The following EPOR variants were observed in gnomAD, a reference collection of about 807,000 sequenced individuals.
The protein encoded by EPOR is erythropoietin receptor.
Under a neutral mutation model 34.3 loss-of-function variants are expected in EPOR, and 20 were observed. The observed-to-expected ratio is 0.58, with a 90% CI of 0.41 to 0.85. The LOEUF is 0.85. Ranked by LOEUF, EPOR falls within the 40% of genes least tolerant of loss-of-function variation. The pLI is 0.00. For synonymous variants in EPOR, 312 were observed against 299.0 expected (o/e 1.04, Z -0.45); for missense variants, 601 against 672.7 (o/e 0.89, Z 1.18).
intron 6 of EPOR, among the ~76,000 whole-genome samples, chr19:11,380,449 G>A (rs779843087): frequency 7.9e-5 from 12 of 152,216 alleles, no homozygotes; most frequent in Non-Finnish European, 1.8e-4. Flanking sequence ...AACAGCATGG[G>A]CAAAAGCTTG....
intron 6 of EPOR, among the ~76,000 whole-genome samples, chr19:11,380,436 G>A (rs1968340058): frequency 6.6e-6 from 1 of 152,234 alleles, no homozygotes. Context: ...TCCAGGCAGA[G>A]GGAACAGCAT....
Position 11,378,081 on chromosome 19 carries a change from T to G in EPOR, c.1430A>C (p.Gln477Pro). The change falls in exon 8 of 8, where the codon CAA becomes CCA. Residue 477 changes from glutamine to proline, a missense_variant. Gln to Pro is a moderately conservative substitution (Grantham distance 76). Transcript: ENST00000222139. This position sits in a 1 kb window ranked among gnomAD's most constrained non-coding sequence, Gnocchi z 5.3. ...DYSSGDSQGA[Q>P]GGLSDGPYSN... ...GTAGGGGCCATCGGATAAGCCCCCT[T>G]GGGCTCCCTGGGAGTCCCCTGAGCT... 1.2e-6 allele frequency: 2 copies of G among 1,613,870 alleles called. No individual in the cohort carries two copies. Among genetic ancestry groups the G allele is most frequent in the Non-Finnish European group, 1.7e-6 (2 of 1,179,816 alleles).
rs745592511 is a variant in EPOR, at chr19:11,381,302, GA to G, written c.586-94del. The stretch of plus-strand genomic sequence containing the variant: ...TGGAACTGAGCCAATCAGGGGAAAG[GA>G]AAACGGTGCCCTAGAATTGCAATGG... On this transcript the variant is annotated intron_variant, in intron 4 of 7. Transcript: ENST00000222139. This position sits in a 1 kb window ranked among gnomAD's most constrained non-coding sequence, Gnocchi z 5.3. The G allele has an allele frequency of 2.1e-6, 3 of 1,404,784 alleles. No homozygotes were observed. The highest frequency in any genetic ancestry group is 2.0e-6 in the Non-Finnish European group (2 of 1,020,726). The allele number at this position is 1,404,784 out of a possible 1,614,324, so 87.0% of individuals were successfully genotyped here.
chr19:11,381,837 G>T lies in EPOR; in HGVS notation c.440C>A (p.Ala147Asp). 6.2e-7 allele frequency: 1 copy of T among 1,614,082 alleles called. No homozygotes were observed. The highest frequency in any genetic ancestry group is 1.1e-5 in the South Asian group (1 of 91,088). The change falls in exon 4 of 8, where the codon GCC becomes GAC. Residue 147 changes from alanine to aspartate, a missense_variant. Coordinates refer to ENST00000222139, the MANE Select transcript of EPOR (RefSeq NM_000121.4). This position sits in a 1 kb window ranked among gnomAD's most constrained non-coding sequence, Gnocchi z 5.3. ...CAACCGCGCCACCAGCCCCACGGGGGCGTCTAGGAGCACTGCAGGCATGGG... is the reference window on the plus strand; with the variant it reads ...CAACCGCGCCACCAGCCCCACGGGGTCGTCTAGGAGCACTGCAGGCATGGG... ...IHINEVVLLD[A>D]PVGLVARLAD...
rs370515840 is a variant in EPOR, at chr19:11,378,279, G to A, written c.1232C>T (p.Ala411Val). 20 of 1,614,054 alleles carry A rather than the reference G, an allele frequency of 1.2e-5. No homozygotes were observed. The African/African-American group carries it at 2.3e-4, about 18-fold the overall frequency. The change falls in exon 8 of 8, where the codon GCC (alanine) becomes GTC (valine). Residue 411 changes from alanine to valine, a missense_variant. Ala to Val is a moderately conservative substitution (Grantham distance 64). Transcript: ENST00000222139. The surrounding 1 kb of genome is among the most constrained non-coding windows in gnomAD (Gnocchi z 5.3). ...SEASSCSSAL[A>V]SKPSPEGASA... is the part of the protein sequence containing the mutation. ...GGCTCCCTCTGGGCTGGGCTTCGAGGCCAAAGCAGATGAGCAGGAGGATGC... is the reference window on the plus strand; with the variant it reads ...GGCTCCCTCTGGGCTGGGCTTCGAGACCAAAGCAGATGAGCAGGAGGATGC...
In EPOR at chr19:11,377,861, G is replaced by T; in HGVS notation, c.*123C>A. ...TGGTTTCCTGAGCAGGATGGATTGG[G>T]CAGACAAAATCAGCAATGCCCCTGC... On this transcript the variant is annotated 3_prime_UTR_variant, in exon 8 of 8. Transcript: ENST00000222139. 8.2e-7 allele frequency: 1 copy of T among 1,219,914 alleles called. No individual in the cohort carries two copies. Among genetic ancestry groups the T allele is most frequent in the Non-Finnish European group, 1.2e-6 (1 of 829,432 alleles). The allele number at this position is 1,219,914 out of a possible 1,614,324, so 75.6% of individuals were successfully genotyped here. A position where few individuals can be genotyped will look rare whatever the true frequency, so the allele number is the denominator to read the frequency against.
At position 11,378,736 on chromosome 19, in the gene EPOR, C is replaced by G. The variant is rs752058983; in HGVS notation, c.870G>C (p.Glu290Asp). The change falls in exon 7 of 8, where the codon GAG becomes GAC. Residue 290 changes from glutamate to aspartate, a missense_variant. Transcript: ENST00000222139. The surrounding 1 kb of genome is among the most constrained non-coding windows in gnomAD (Gnocchi z 5.3). Reference sequence around the variant, plus strand: ...TGGTGAAGAGGCCTTCAAACTCGCTCTCTGGGCTCGGGATGCCAGGCCAGA... The same window carrying G: ...TGGTGAAGAGGCCTTCAAACTCGCTGTCTGGGCTCGGGATGCCAGGCCAGA... ...QKIWPGIPSP[E>D]SEFEGLFTTH... 6.2e-7 allele frequency: 1 copy of G among 1,614,120 alleles called. No homozygotes were observed. The highest frequency in any genetic ancestry group is 1.3e-5 in the African/African-American group (1 of 74,944).
rs1256965373 is a variant in EPOR at position 11,383,925 on chromosome 19, C to T, written c.115+168G>A. On this transcript the variant is annotated intron_variant, in intron 1 of 7. Transcript: ENST00000222139. The surrounding 1 kb of genome is among the most constrained non-coding windows in gnomAD (Gnocchi z 4.9). ...GATCCTAACATACCCCACCCCGCCC[C>T]CCACCCATCCAGGACCCAGTCTAAG... Among the ~76,000 whole-genome samples, 1 of 140,438 alleles carries T rather than the reference C, an allele frequency of 7.1e-6. No individual in the cohort carries two copies. Among genetic ancestry groups the T allele is most frequent in the African/African-American group, 2.6e-5 (1 of 39,090 alleles). 92.1% of individuals were successfully genotyped at this position (140,438 alleles called of 152,430 possible). A position where few individuals can be genotyped will look rare whatever the true frequency, so the allele number is the denominator to read the frequency against.
chr19:11,384,046 G>A (rs1369581420), intron 1 of EPOR, 47 bp downstream of exon 1: 1 of 1,277,050 alleles, frequency 7.8e-7, no homozygotes, highest in Non-Finnish European at 1.1e-6. Flanking sequence ...GCCCCAGCAT[G>A]GTCCTGCAGG....
At position 11,378,431 on chromosome 19, in the gene EPOR, G is replaced by A. The variant is rs1968312605; in HGVS notation, c.1080C>T (p.Gly360=). The change falls in exon 8 of 8, where the codon GGC becomes GGT. Residue 360 remains glycine (G), a synonymous_variant. Coordinates refer to ENST00000222139, the MANE Select transcript of EPOR (RefSeq NM_000121.4). This position sits in a 1 kb window ranked among gnomAD's most constrained non-coding sequence, Gnocchi z 5.3. ...DDEGPLLEPV[G]SEHAQDTYLV... is the part of the protein sequence containing the mutation. ...GATAGGTATCCTGGGCATGCTCACT[G>A]CCCACTGGCTCCAGCAGGGGGCCCT... The A allele has an allele frequency of 6.2e-7, 1 of 1,614,080 alleles. No homozygotes were observed. Among genetic ancestry groups the A allele is most frequent in the Non-Finnish European group, 8.5e-7 (1 of 1,180,020 alleles).
In EPOR at chr19:11,384,250, C is replaced by G. The variant is rs748327469; in HGVS notation, c.-43G>C. The G allele has an allele frequency of 4.6e-6, 6 of 1,304,424 alleles. No individual in the cohort carries two copies. The highest frequency in any genetic ancestry group is 2.5e-4 in the Middle Eastern group (1 of 3,922). 80.8% of individuals were successfully genotyped at this position (1,304,424 alleles called of 1,614,324 possible). A position where few individuals can be genotyped will look rare whatever the true frequency, so the allele number is the denominator to read the frequency against. ...GGGGAGCCCAGGGCTCCTGCCCCTC[C>G]GTCCCCCGCCCCCGGCACAGTCCAC... On this transcript the variant is annotated 5_prime_UTR_variant, in exon 1 of 8. Coordinates refer to ENST00000222139, the MANE Select transcript of EPOR (RefSeq NM_000121.4).
chr19:11,381,410 C>T lies in EPOR; in HGVS notation c.586-201G>A. 4.3e-6 allele frequency: 3 copies of T among 703,362 alleles called. No individual in the cohort carries two copies. The highest frequency in any genetic ancestry group is 4.7e-6 in the Non-Finnish European group (2 of 423,880). The allele number at this position is 703,362 out of a possible 1,614,324, so 43.6% of individuals were successfully genotyped here. ...GTCTCTGGTACGAAAGGGCGGGACC[C>T]GGGCAATTTAATATCTGGGCTAGCA... On this transcript the variant is annotated intron_variant, in intron 4 of 7. Coordinates refer to ENST00000222139, the MANE Select transcript of EPOR (RefSeq NM_000121.4). The surrounding 1 kb of genome is among the most constrained non-coding windows in gnomAD (Gnocchi z 5.3).
rs868096607 is a variant in EPOR at position 11,383,459 on chromosome 19, C to A, written c.116-227G>T. 2.8e-5 allele frequency: 14 copies of A among 496,632 alleles called. No homozygotes were observed. The highest frequency in any genetic ancestry group is 1.1e-4 in the Admixed American group (3 of 26,758). The allele number at this position is 496,632 out of a possible 1,614,324, so 30.8% of individuals were successfully genotyped here. On this transcript the variant is annotated intron_variant, in intron 1 of 7. Coordinates refer to ENST00000222139, the MANE Select transcript of EPOR (RefSeq NM_000121.4). This position sits in a 1 kb window ranked among gnomAD's most constrained non-coding sequence, Gnocchi z 4.9. The stretch of plus-strand genomic sequence containing the variant: ...CCCCCGCCGTCACCACTGGCGCACA[C>A]CTGCCCACCCAGCGGCCAGCTGAGC...
At position 11,378,207 on chromosome 19, in the gene EPOR, A is replaced by T; in HGVS notation, c.1304T>A (p.Leu435His). The T allele has an allele frequency of 6.2e-7, 1 of 1,614,084 alleles. No individual in the cohort carries two copies. Among genetic ancestry groups the T allele is most frequent in the South Asian group, 1.1e-5 (1 of 91,084 alleles). ...AGGGCACAGTGTCCATGGACGCAAG[A>T]GCTGGGAGCTGGGGTCCAGGATAGT... ...EYTILDPSSQLLRPWTLCPEL... is the reference protein window; with the variant it reads ...EYTILDPSSQHLRPWTLCPEL... Residue 435 changes from leucine to histidine, a missense_variant, in exon 8 of 8, where the codon CTC (leucine) becomes CAC (histidine). By Grantham distance (99) the Leu-to-His change is moderately conservative. Coordinates refer to ENST00000222139, the MANE Select transcript of EPOR (RefSeq NM_000121.4). The surrounding 1 kb of genome is among the most constrained non-coding windows in gnomAD (Gnocchi z 5.3).
chr19:11,378,890 A>G lies in EPOR; in HGVS notation c.828-112T>C, dbSNP rs1289848105. 6 of 1,091,724 alleles carry G rather than the reference A, an allele frequency of 5.5e-6. No individual in the cohort carries two copies. Among genetic ancestry groups the G allele is most frequent in the East Asian group, 2.5e-5 (1 of 39,574 alleles). The allele number at this position is 1,091,724 out of a possible 1,614,324, so 67.6% of individuals were successfully genotyped here. On this transcript the variant is annotated intron_variant, in intron 6 of 7. Coordinates refer to ENST00000222139, the MANE Select transcript of EPOR (RefSeq NM_000121.4). The surrounding 1 kb of genome is among the most constrained non-coding windows in gnomAD (Gnocchi z 5.3). ...GATACACTTGGTCCCTGTGATCACA[A>G]TGGAGGCAGAGGAGTACATCAGGGC...
chr19:11,383,878 C>A lies in EPOR; in HGVS notation c.115+215G>T, dbSNP rs948893255. On this transcript the variant is annotated intron_variant, in intron 1 of 7. Transcript: ENST00000222139. This position sits in a 1 kb window ranked among gnomAD's most constrained non-coding sequence, Gnocchi z 4.9. ...TGTTAAGCCCACTCTAGCTCTTGCC[C>A]GGGACGCGATCAGGAGTCTTGGATC... 1.3e-5 allele frequency among the ~76,000 whole-genome samples: 2 copies of A among 151,922 alleles called. No homozygotes were observed. Among genetic ancestry groups the A allele is most frequent in the African/African-American group, 4.8e-5 (2 of 41,460 alleles).
chr19:11,382,925 C>T (rs1442271986), intron 2 of EPOR, 172 bp downstream of exon 2: 6 of 1,537,956 alleles, frequency 3.9e-6, no homozygotes, highest in Non-Finnish European at 5.2e-6. Context: ...TGTTCGCGCC[C>T]CGGCCCATAG....
Position 11,384,195 on chromosome 19 carries a change from C to A in EPOR, c.13G>T (p.Gly5Trp). The change falls in exon 1 of 8, where the codon GGG becomes TGG. Residue 5 changes from glycine to tryptophan, a missense_variant. Coordinates refer to ENST00000222139, the MANE Select transcript of EPOR (RefSeq NM_000121.4). Reference sequence around the variant, plus strand: ...CCGACCTGGGGCCAGAGGGACGCCCCGAGGTGGTCCATGATACAGCCCCCG... The same window carrying A: ...CCGACCTGGGGCCAGAGGGACGCCCAGAGGTGGTCCATGATACAGCCCCCG... Reference protein sequence around the residue: MDHLGASLWPQVGSL... With the variant: MDHLWASLWPQVGSL... 1.3e-6 allele frequency: 2 copies of A among 1,545,394 alleles called. No individual in the cohort carries two copies. Among genetic ancestry groups the A allele is most frequent in the Non-Finnish European group, 1.7e-6 (2 of 1,145,928 alleles).
Position 11,377,271 on chromosome 19 carries a change from T to C in EPOR, c.*713A>G, listed in dbSNP as rs1230730837. The C allele has an allele frequency of 2.2e-6, 1 of 454,140 alleles. No homozygotes were observed. The highest frequency in any genetic ancestry group is 1.6e-5 in the South Asian group (1 of 64,482). 28.1% of individuals were successfully genotyped at this position (454,140 alleles called of 1,614,324 possible). On this transcript the variant is annotated 3_prime_UTR_variant, in exon 8 of 8. Transcript: ENST00000222139. ...CTAGCTAGTGGCCCTTAAACAGCTTTGCCCTTCCTGGGTGTACAGCTAAAC... is the reference window on the plus strand; with the variant it reads ...CTAGCTAGTGGCCCTTAAACAGCTTCGCCCTTCCTGGGTGTACAGCTAAAC...
Sources: gnomAD v4.1 joint callset for allele counts (sites outside exome capture counted in the v4.1 genomes callset) on GRCh38, gnomAD v4.1.1 for gene constraint, Gnocchi (gnomAD v3.1) non-coding constraint, MANE v1.5 for transcripts, NCBI Gene and HGNC (gene_info 2026-07-23, HGNC 2026-07-21) for gene names.